The following NDUFB5 variants were observed in gnomAD, a reference collection of about 807,000 sequenced individuals.
NDUFB5 encodes the protein NADH dehydrogenase [ubiquinone] 1 beta subcomplex subunit 5, mitochondrial.
A neutral mutation model predicts 19.4 loss-of-function variants in NDUFB5; 19 were observed. The ratio of observed to expected loss-of-function variants is 0.98; its 90% CI spans 0.68 to 1.43. NDUFB5 has a LOEUF of 1.43. Ranked by LOEUF, NDUFB5 falls within the 40% of genes most tolerant of loss-of-function variation. The probability of loss-of-function intolerance (pLI) is 0.00; values close to 1 mark genes in which losing one functional copy is unlikely to be tolerated. For synonymous variants in NDUFB5, 80 were observed against 82.6 expected (o/e 0.97, Z 0.17); for missense variants, 233 against 236.5 (o/e 0.99, Z 0.10).
chr3:179,616,544 C>CG (rs1393570844), intron 3 of NDUFB5, among the ~76,000 whole-genome samples: 168 of 151,620 alleles, frequency 1.1e-3, no homozygotes, highest in African/African-American at 3.6e-3. Context: ...TCTGTCCCCC[C>CG]CCCAAAAAAA....
chr3:179,611,727 T>C (rs1719246626), intron 1 of NDUFB5, among the ~76,000 whole-genome samples: 1 of 152,050 alleles, frequency 6.6e-6, no homozygotes, highest in African/African-American at 2.4e-5. Context: ...ACACAAAAAG[T>C]TCCCACATTC....
At chr3:179,607,040 C>G (rs1719121305) in intron 1 of NDUFB5, among the ~76,000 whole-genome samples, 1 of 152,204 alleles carries the variant, frequency 6.6e-6, no homozygotes. Context: ...TGGTAGTATT[C>G]AATCAAATCC....
rs775918279 is a variant in NDUFB5 at position 179,618,538 on chromosome 3, G to A, written c.449+17G>A. On this transcript the variant is annotated intron_variant, in intron 5 of 5. Transcript: ENST00000259037. ...TGAATTACGGTAGGAAAAACGAGGGGGTAGGTGGGAAAGAAAATCTTCCTA... is the reference window on the plus strand; with the variant it reads ...TGAATTACGGTAGGAAAAACGAGGGAGTAGGTGGGAAAGAAAATCTTCCTA... 16 of 1,548,356 alleles carry A rather than the reference G, an allele frequency of 1.0e-5. No individual in the cohort carries two copies. Among genetic ancestry groups the A allele is most frequent in the Non-Finnish European group, 1.3e-5 (15 of 1,128,654 alleles).
At position 179,604,895 on chromosome 3, in the gene NDUFB5, T is replaced by G; in HGVS notation, c.80T>G (p.Leu27Arg). The change falls in exon 1 of 6, where the codon CTC (leucine) becomes CGC (arginine). Residue 27 changes from leucine (L) to arginine (R), a missense_variant. By Grantham distance (102) the Leu-to-Arg change is moderately radical (BLOSUM62 -2). Coordinates refer to ENST00000259037, the MANE Select transcript of NDUFB5 (RefSeq NM_002492.4). ...ALSGRPLGTR[L>R]GFGGFLTRGF... Reference sequence around the variant, plus strand: ...TCTGGCCGGCCCCTTGGCACTCGCCTCGGATTTGGGGGCTTCCTCACTCGT... The same window carrying G: ...TCTGGCCGGCCCCTTGGCACTCGCCGCGGATTTGGGGGCTTCCTCACTCGT... 6.3e-7 allele frequency: 1 copy of G among 1,594,808 alleles called. No homozygotes were observed. Among genetic ancestry groups the G allele is most frequent in the Non-Finnish European group, 8.5e-7 (1 of 1,174,664 alleles).
At position 179,624,558 on chromosome 3, in the gene NDUFB5, G is replaced by GACACGT. The variant is rs1294405114; in HGVS notation, c.*522_*523insGTACAC. On this transcript the variant is annotated 3_prime_UTR_variant, in exon 6 of 6. Transcript: ENST00000259037. The stretch of plus-strand genomic sequence containing the variant: ...ATTGTTCTTTTTTAAACTACACACA[G>GACACGT]ACACACAGACACGTACACACACACA... 5 of 56,964 alleles carry GACACGT rather than the reference G, an allele frequency of 8.8e-5. No homozygotes were observed. The highest frequency in any genetic ancestry group is 1.7e-4 in the Admixed American group (1 of 5,992). The allele number at this position is 56,964 out of a possible 1,614,324, so 3.5% of individuals were successfully genotyped here. A position where few individuals can be genotyped will look rare whatever the true frequency, so the allele number is the denominator to read the frequency against.
At chr3:179,618,675 T>C (rs913549215) in intron 5 of NDUFB5, among the ~76,000 whole-genome samples, 154 bp downstream of exon 5, 1 of 152,108 alleles carries the variant, frequency 6.6e-6, no homozygotes, top group African/African-American at 2.4e-5. Context: ...ACACCTGTAA[T>C]CCCAGCACTT....
At chr3:179,615,707 G>A in intron 2 of NDUFB5, 1 of 543,716 alleles carries the variant, frequency 1.8e-6, no homozygotes, top group Non-Finnish European at 3.4e-6. Context: ...CATCTCCTTG[G>A]TTGAGCCCTT....
rs1029987426 is a variant in NDUFB5, at chr3:179,624,155, C to G, written c.*115C>G. 5 of 983,114 alleles carry G rather than the reference C, an allele frequency of 5.1e-6. No individual in the cohort carries two copies. The African/African-American group carries it at 6.7e-5, about 13-fold the overall frequency. 60.9% of individuals were successfully genotyped at this position (983,114 alleles called of 1,614,324 possible). The stretch of plus-strand genomic sequence containing the variant: ...AAAAGAGCCTCTGACATTACTGTCT[C>G]TCAGTGTTGGTTCAGATTGAGGCTT... On this transcript the variant is annotated 3_prime_UTR_variant, in exon 6 of 6. Coordinates refer to ENST00000259037, the MANE Select transcript of NDUFB5 (RefSeq NM_002492.4).
At chr3:179,607,155 C>A (rs2108391674) in intron 1 of NDUFB5, among the ~76,000 whole-genome samples, 1 of 152,290 alleles carries the variant, frequency 6.6e-6, no homozygotes, top group East Asian at 1.9e-4. Flanking sequence ...TGCGCCCTTT[C>A]CAATCAGAGC....
At chr3:179,605,047 G>A (rs1041788949) in intron 1 of NDUFB5, 108 bp downstream of exon 1, 5 of 1,394,470 alleles carry the variant, frequency 3.6e-6, no homozygotes, top group Non-Finnish European at 2.8e-6. Context: ...GGGACAAGTT[G>A]TGGGCTTGGG....
At chr3:179,618,846 G>A (rs952852317) in intron 5 of NDUFB5, among the ~76,000 whole-genome samples, 36 of 151,470 alleles carry the variant, frequency 2.4e-4, no homozygotes, top group Middle Eastern at 3.4e-3. Flanking sequence ...GTGAGACTCC[G>A]TCTCCAAAGG....
chr3:179,620,343 G>A (rs7639131), intron 5 of NDUFB5, among the ~76,000 whole-genome samples: 96,663 of 150,984 alleles, frequency 0.64, 31,229 homozygotes, highest in East Asian at 0.89. Flanking sequence ...CTAACATTTA[G>A]GTCTTTAATC....
chr3:179,615,970 T>C lies in NDUFB5; in HGVS notation c.214-13T>C, dbSNP rs751876558. 1.9e-6 allele frequency: 3 copies of C among 1,603,048 alleles called. No individual in the cohort carries two copies. The highest frequency in any genetic ancestry group is 2.6e-6 in the Non-Finnish European group (3 of 1,171,106). On this transcript the variant is annotated splice_polypyrimidine_tract_variant and intron_variant, in intron 2 of 5. Coordinates refer to ENST00000259037, the MANE Select transcript of NDUFB5 (RefSeq NM_002492.4). ...CGAAATGGTCATGAGAAACACTTTT[T>C]TTTTTATCTTAGAGATTCTACATTG...
At chr3:179,609,944 T>C (rs1719197878) in intron 1 of NDUFB5, among the ~76,000 whole-genome samples, 1 of 152,138 alleles carries the variant, frequency 6.6e-6, no homozygotes, top group South Asian at 2.1e-4. Context: ...TTATTTATTA[T>C]ATTATTATTT....
At chr3:179,612,578 T>TA (rs1403247915) in intron 1 of NDUFB5, among the ~76,000 whole-genome samples, 3 of 151,238 alleles carry the variant, frequency 2.0e-5, no homozygotes, top group East Asian at 3.9e-4. Flanking sequence ...TGGGTTTACT[T>TA]ACGCCATTCT....
At chr3:179,612,822 A>C (rs1382958639) in intron 1 of NDUFB5, among the ~76,000 whole-genome samples, 2 of 152,174 alleles carry the variant, frequency 1.3e-5, no homozygotes, top group African/African-American at 4.8e-5. Context: ...TTACTTTTGC[A>C]CCAAACTAAT....
At chr3:179,607,946 C>T (rs1719146146) in intron 1 of NDUFB5, 3 of 612,546 alleles carry the variant, frequency 4.9e-6, no homozygotes, top group East Asian at 5.6e-5. Context: ...GTATTTACCC[C>T]ATTTTGCTTA....
At chr3:179,604,974 G>C in intron 1 of NDUFB5, 35 bp downstream of exon 1, 1 of 1,518,182 alleles carries the variant, frequency 6.6e-7, no homozygotes, top group South Asian at 1.3e-5. Flanking sequence ...GGCGTGAAGC[G>C]GGTGCGGGGC....
intron 5 of NDUFB5, among the ~76,000 whole-genome samples, chr3:179,623,690 C>CA (rs1719592631): frequency 6.6e-6 from 1 of 151,904 alleles, no homozygotes; most frequent in Non-Finnish European, 1.5e-5. Context: ...ACAAAAACAA[C>CA]AAAAAAACTG....
Sources: allele counts gnomAD v4.1 joint callset (sites outside exome capture counted in the v4.1 genomes callset), GRCh38; gene constraint gnomAD v4.1.1; transcripts MANE v1.5; gene names NCBI Gene and HGNC (gene_info 2026-07-23, HGNC 2026-07-21).